The following FAM193A variants were observed in gnomAD, a reference collection of about 807,000 sequenced individuals.
The protein encoded by FAM193A is family with sequence similarity 193 member A.
A neutral mutation model predicts 126.5 loss-of-function variants in FAM193A; 22 were observed. That is an observed-to-expected ratio of 0.17 (90% CI 0.12 to 0.25). The LOEUF (loss-of-function observed/expected upper bound fraction) is 0.25, where lower values mean the gene tolerates loss of function less well. Ranked by LOEUF, FAM193A falls within the 10% of genes least tolerant of loss-of-function variation. The pLI, the probability that FAM193A is intolerant of heterozygous loss-of-function variation, is 1.00. For missense variants in FAM193A, 1,675 were observed against 1,672.8 expected (o/e 1.00, Z -0.02); for synonymous variants, 761 against 646.8 (o/e 1.18, Z -2.68).
intron 1 of FAM193A, among the ~76,000 whole-genome samples, chr4:2,557,406 C>T (rs1412709491): frequency 6.6e-6 from 1 of 152,146 alleles, no homozygotes; most frequent in Non-Finnish European, 1.5e-5. Flanking sequence ...TTTGTCAAAA[C>T]TAAGAAATTA....
intron 19 of FAM193A, among the ~76,000 whole-genome samples, chr4:2,709,381 G>C (rs2109344941): frequency 6.6e-6 from 1 of 152,216 alleles, no homozygotes; most frequent in East Asian, 1.9e-4. Context: ...TTAGCTTTGA[G>C]TATCAATATT....
At chr4:2,720,267 A>G (rs1719984139) in intron 20 of FAM193A, among the ~76,000 whole-genome samples, 1 of 152,218 alleles carries the variant, frequency 6.6e-6, no homozygotes, top group East Asian at 1.9e-4. Flanking sequence ...TCAATTTTAC[A>G]GGTGATCTAA....
At chr4:2,552,701 C>T (rs1291876227) in intron 1 of FAM193A, among the ~76,000 whole-genome samples, 1 of 150,924 alleles carries the variant, frequency 6.6e-6, no homozygotes. Context: ...CCATTCCTGG[C>T]TAATTTTTTG....
chr4:2,541,958 C>T (rs1737261293), intron 1 of FAM193A, among the ~76,000 whole-genome samples: 1 of 151,964 alleles, frequency 6.6e-6, no homozygotes. Flanking sequence ...TCAAGTGATT[C>T]TCCTGCCTCA....
chr4:2,676,001 T>A (rs1011252420), intron 13 of FAM193A, among the ~76,000 whole-genome samples: 1 of 152,258 alleles, frequency 6.6e-6, no homozygotes, highest in African/African-American at 2.4e-5. Flanking sequence ...ATACTCATCA[T>A]ATGGCTGTAC....
chr4:2,546,194 G>A (rs1259679890), intron 1 of FAM193A, among the ~76,000 whole-genome samples: 1 of 151,212 alleles, frequency 6.6e-6, no homozygotes, highest in East Asian at 1.9e-4. Context: ...GTCCCACTGT[G>A]TTTCCCAAGC....
intron 2 of FAM193A, among the ~76,000 whole-genome samples, chr4:2,623,552 C>T (rs1382435604): frequency 6.6e-6 from 1 of 152,244 alleles, no homozygotes; most frequent in Non-Finnish European, 1.5e-5. Context: ...AGGCCTGCAC[C>T]AGTGTCTGTG....
At chr4:2,539,827 C>T (rs1202206990) in intron 1 of FAM193A, among the ~76,000 whole-genome samples, 1 of 151,992 alleles carries the variant, frequency 6.6e-6, no homozygotes, top group Non-Finnish European at 1.5e-5. Flanking sequence ...GGCCGGGCAC[C>T]GTGGCTCATG....
chr4:2,573,786 G>A (rs923642164), intron 1 of FAM193A, among the ~76,000 whole-genome samples: 12 of 152,168 alleles, frequency 7.9e-5, no homozygotes, highest in African/African-American at 2.7e-4. Flanking sequence ...GAAGAGGTAG[G>A]GAGGGGTGGT....
intron 7 of FAM193A, among the ~76,000 whole-genome samples, chr4:2,652,757 C>A (rs572476501): frequency 6.6e-5 from 10 of 152,322 alleles, no homozygotes; most frequent in African/African-American, 1.9e-4. Flanking sequence ...TATCACCTGG[C>A]TTTCCCTTCA....
At chr4:2,641,964 C>T (rs550407121) in intron 6 of FAM193A, among the ~76,000 whole-genome samples, 13 of 150,968 alleles carry the variant, frequency 8.6e-5, no homozygotes, top group Admixed American at 2.0e-4. Flanking sequence ...GGGCCAGGTG[C>T]GGTGGCTCAT....
intron 20 of FAM193A, among the ~76,000 whole-genome samples, chr4:2,729,251 A>G (rs1462830304): frequency 6.6e-6 from 1 of 152,118 alleles, no homozygotes; most frequent in African/African-American, 2.4e-5. Context: ...CCTTCCAGGT[A>G]CTTTACACCG....
At chr4:2,628,078 G>C (rs545402517) in intron 4 of FAM193A, among the ~76,000 whole-genome samples, 1 of 152,096 alleles carries the variant, frequency 6.6e-6, no homozygotes, top group Admixed American at 6.5e-5. Context: ...GTAGAGACAG[G>C]GTTCATCATC....
At chr4:2,647,469 A>G (rs1450013248) in intron 7 of FAM193A, among the ~76,000 whole-genome samples, 1 of 152,156 alleles carries the variant, frequency 6.6e-6, no homozygotes, top group East Asian at 1.9e-4. Context: ...TTTTAAGTCC[A>G]GGAGCTGTTT....
Position 2,659,913 on chromosome 4 carries a change from T to C in FAM193A, c.1604T>C (p.Val535Ala). The C allele has an allele frequency of 1.2e-6, 2 of 1,614,188 alleles. No homozygotes were observed. The highest frequency in any genetic ancestry group is 1.7e-6 in the Non-Finnish European group (2 of 1,180,036). Reference protein sequence around the residue: ...DIHIHQLPLQVDPAPDYLAER... With the variant: ...DIHIHQLPLQADPAPDYLAER... ...CACATTCACCAGCTCCCACTTCAAG[T>C]GGATCCTGCTCCTGACTATCTTGCT... The change falls in exon 10 of 21, where the codon GTG becomes GCG. Residue 535 changes from valine (V) to alanine (A), a missense_variant. Physicochemically the swap from Val to Ala is moderately conservative, Grantham distance 64. Around this residue, in one of 4 missense-constraint regions of FAM193A, gnomAD observed 1,186 missense variants for 1,109.2 expected, o/e 1.07. Coordinates refer to ENST00000637812, the MANE Select transcript of FAM193A (RefSeq NM_001366318.2).
intron 20 of FAM193A, chr4:2,719,905 C>G (rs1023259042): frequency 4.2e-6 from 1 of 240,252 alleles, no homozygotes; most frequent in Non-Finnish European, 8.7e-6. Context: ...GTCCTCCCAC[C>G]TCAGCCCTCC....
chr4:2,584,004 G>C (rs191985176), intron 1 of FAM193A, among the ~76,000 whole-genome samples: 15 of 152,232 alleles, frequency 9.9e-5, no homozygotes, highest in Non-Finnish European at 8.8e-5. Context: ...AATGATTAGT[G>C]CTTTTGGGGT....
At chr4:2,617,253 TATA>T (rs1742254722) in intron 2 of FAM193A, among the ~76,000 whole-genome samples, 1 of 52,604 alleles carries the variant, frequency 1.9e-5, no homozygotes, top group Non-Finnish European at 3.4e-5. Context: ...TATATATATA[TATA>T]TATATATTTT....
intron 1 of FAM193A, among the ~76,000 whole-genome samples, chr4:2,538,361 C>G (rs1737016423): frequency 6.6e-6 from 1 of 151,874 alleles, no homozygotes; most frequent in African/African-American, 2.4e-5. Flanking sequence ...GCCACCATGC[C>G]CGGCTAATTT....
Sources: allele counts gnomAD v4.1 joint callset (sites outside exome capture counted in the v4.1 genomes callset), GRCh38; gene constraint gnomAD v4.1.1; regional missense constraint gnomAD v4.1.1; transcripts MANE v1.5; gene names NCBI Gene and HGNC (gene_info 2026-07-23, HGNC 2026-07-21).